The following JAKMIP2 variants were observed in gnomAD, a reference collection of about 807,000 sequenced individuals.
JAKMIP2 encodes janus kinase and microtubule-interacting protein 2.
A neutral mutation model predicts 115.0 loss-of-function variants in JAKMIP2; 25 were observed. The observed-to-expected ratio is 0.22, with a 90% confidence interval of 0.16 to 0.30. The LOEUF is 0.30. Among genes scored for constraint, JAKMIP2 ranks in the 10% least tolerant of loss-of-function variants. The pLI is 1.00. For synonymous variants in JAKMIP2, 334 were observed against 343.6 expected, an observed-to-expected ratio of 0.97 and a Z score of 0.31; for missense variants, 642 against 957.6, an observed-to-expected ratio of 0.67 and a Z score of 4.35.
At chr5:147,695,252 G>T (rs867232496) in intron 1 of JAKMIP2, among the ~76,000 whole-genome samples, 1 of 152,162 alleles carries the variant, frequency 6.6e-6, no homozygotes, top group Admixed American at 6.6e-5. Context: ...ATAAAGAAAA[G>T]CCTATTTAGT....
chr5:147,777,224 G>A (rs908978850), intron 1 of JAKMIP2, among the ~76,000 whole-genome samples: 1 of 152,118 alleles, frequency 6.6e-6, no homozygotes, highest in Admixed American at 6.6e-5. Flanking sequence ...TGAATATAAT[G>A]CCTGACTCAC....
At chr5:147,727,828 G>T (rs1753579340) in intron 1 of JAKMIP2, among the ~76,000 whole-genome samples, 1 of 148,800 alleles carries the variant, frequency 6.7e-6, no homozygotes, top group South Asian at 2.1e-4. Context: ...TGGAAAAAAG[G>T]TTTTTTTCTT....
chr5:147,653,550 G>A (rs983497155), intron 3 of JAKMIP2, among the ~76,000 whole-genome samples: 4 of 150,566 alleles, frequency 2.7e-5, no homozygotes, highest in African/African-American at 4.9e-5. Context: ...CCCACTTTTT[G>A]GTGGAGTTGT....
chr5:147,696,948 C>T (rs947043311), intron 1 of JAKMIP2, among the ~76,000 whole-genome samples: 3 of 152,228 alleles, frequency 2.0e-5, no homozygotes, highest in African/African-American at 7.2e-5. Flanking sequence ...GAAGAAATTT[C>T]TAAGCAGCAG....
At chr5:147,674,855 C>T (rs190988244) in intron 1 of JAKMIP2, among the ~76,000 whole-genome samples, 1 of 152,226 alleles carries the variant, frequency 6.6e-6, no homozygotes, top group East Asian at 1.9e-4. Context: ...CTTGTATTTG[C>T]ATTTTAGGAA....
intron 13 of JAKMIP2, 75 bp from the exon 14 acceptor site, chr5:147,631,586 T>C: frequency 1.1e-6 from 1 of 932,918 alleles, no homozygotes; most frequent in Non-Finnish European, 1.7e-6. Flanking sequence ...GTGGTCTCTT[T>C]ATGCTATTTC....
rs572202242 is a variant in JAKMIP2 at position 147,695,650 on chromosome 5, C to CTGTGTGTGTGTGTGTG, written c.-148-23712_-148-23697dup. On this transcript the variant is annotated intron_variant, in intron 1 of 21. Coordinates refer to ENST00000616793, the MANE Select transcript of JAKMIP2 (RefSeq NM_001270941.2). Reference sequence around the variant, plus strand: ...CTCTATTGTTACGGAAGTGAAAGGTCTGTGTGTGTGTGTGTGTGTGTGTGT... The same window carrying CTGTGTGTGTGTGTGTG: ...CTCTATTGTTACGGAAGTGAAAGGTCTGTGTGTGTGTGTGTGTGTGTGTGTGTGTGTGTGTGTGTGT... 2.1e-3 allele frequency among the ~76,000 whole-genome samples: 295 copies of CTGTGTGTGTGTGTGTG among 142,986 alleles called. 1 individual carries two copies. The highest frequency in any genetic ancestry group is 7.3e-3 in the African/African-American group (279 of 38,472). The allele number at this position is 142,986 out of a possible 152,430, so 93.8% of individuals were successfully genotyped here. A position where few individuals can be genotyped will look rare whatever the true frequency, so the allele number is the denominator to read the frequency against.
At chr5:147,720,361 C>T (rs1443891175) in intron 1 of JAKMIP2, among the ~76,000 whole-genome samples, 3 of 149,570 alleles carry the variant, frequency 2.0e-5, no homozygotes, top group Admixed American at 1.3e-4. Context: ...ATCTTTGTGG[C>T]GTTCTCTGTA....
chr5:147,617,051 C>T (rs1756622014), intron 19 of JAKMIP2, among the ~76,000 whole-genome samples: 1 of 152,170 alleles, frequency 6.6e-6, no homozygotes, highest in African/African-American at 2.4e-5. Context: ...ACTTTCAATG[C>T]TGGAATCCTT....
intron 17 of JAKMIP2, among the ~76,000 whole-genome samples, chr5:147,622,136 G>T (rs1249679213): frequency 1.3e-5 from 2 of 152,070 alleles, no homozygotes; most frequent in African/African-American, 2.4e-5. Context: ...CAAAGTTCTG[G>T]GATTATAGGC....
intron 1 of JAKMIP2, among the ~76,000 whole-genome samples, chr5:147,754,205 A>C (rs1338862653): frequency 6.6e-6 from 1 of 152,200 alleles, no homozygotes; most frequent in Non-Finnish European, 1.5e-5. Flanking sequence ...TTTTCAGCAC[A>C]ACAACCTCTA....
Position 147,671,846 on chromosome 5 carries a change from T to C in JAKMIP2, c.-40A>G. On this transcript the variant is annotated 5_prime_UTR_variant, in exon 2 of 22. Transcript: ENST00000616793. The stretch of plus-strand genomic sequence containing the variant: ...TGGAGTCTGTTGGTTTTTAATTTCT[T>C]TCAAGCAGGTGCTGCCATGTTACTG... 6.7e-7 allele frequency: 1 copy of C among 1,503,304 alleles called. No individual in the cohort carries two copies. The allele number at this position is 1,503,304 out of a possible 1,614,324, so 93.1% of individuals were successfully genotyped here. A position where few individuals can be genotyped will look rare whatever the true frequency, so the allele number is the denominator to read the frequency against.
At chr5:147,724,552 A>G (rs1182663913) in intron 1 of JAKMIP2, among the ~76,000 whole-genome samples, 2 of 152,186 alleles carry the variant, frequency 1.3e-5, no homozygotes, top group African/African-American at 2.4e-5. Context: ...AATAAAAACC[A>G]TTATCATTTT....
intron 1 of JAKMIP2, among the ~76,000 whole-genome samples, chr5:147,675,669 C>T (rs1469327456): frequency 1.3e-5 from 2 of 152,226 alleles, no homozygotes; most frequent in Middle Eastern, 3.4e-3. Context: ...CTATTCCCCA[C>T]GCAGCTCTCT....
chr5:147,666,529 C>G (rs73270115), intron 2 of JAKMIP2, among the ~76,000 whole-genome samples: 4,929 of 152,200 alleles, frequency 0.032, 292 homozygotes, highest in African/African-American at 0.11. Flanking sequence ...ACACATCAGT[C>G]CATTTAACCT....
chr5:147,748,336 C>T (rs1000396467), intron 1 of JAKMIP2, among the ~76,000 whole-genome samples: 1 of 152,242 alleles, frequency 6.6e-6, no homozygotes, highest in South Asian at 2.1e-4. Flanking sequence ...ATACCTGATG[C>T]TGTTATTATA....
chr5:147,764,924 G>A (rs60268220), intron 1 of JAKMIP2, among the ~76,000 whole-genome samples: 3,549 of 61,616 alleles, frequency 0.058, 101 homozygotes, highest in East Asian at 0.17. Context: ...GAAAGAAAGA[G>A]AGAGAGAGAG....
intron 1 of JAKMIP2, among the ~76,000 whole-genome samples, chr5:147,764,966 G>GAGAGA (rs1561582709): frequency 6.1e-4 from 25 of 40,880 alleles, no homozygotes; most frequent in South Asian, 9.1e-4. Flanking sequence ...GAGAGAGAGA[G>GAGAGA]GGGGAGAGAG....
At chr5:147,592,604 C>T (rs1454691527) in intron 21 of JAKMIP2, among the ~76,000 whole-genome samples, 1 of 152,080 alleles carries the variant, frequency 6.6e-6, no homozygotes, top group Admixed American at 6.5e-5. Context: ...AAGGGAATGG[C>T]CTTTAGGGTC....
Sources: allele counts gnomAD v4.1 joint callset (sites outside exome capture counted in the v4.1 genomes callset), GRCh38; gene constraint gnomAD v4.1.1; transcripts MANE v1.5; gene names NCBI Gene and HGNC (gene_info 2026-07-23, HGNC 2026-07-21).